Variants in NPHS1 observed in about 807,000 individuals in gnomAD.
NPHS1 encodes NPHS1 adhesion molecule, nephrin.
In NPHS1, 107 loss-of-function variants were observed where a neutral mutation model predicts 139.7. That is an observed-to-expected ratio of 0.77 (90% CI 0.66 to 0.90). NPHS1 has a LOEUF of 0.90. NPHS1 is among the 40% of genes least tolerant of loss of function. The pLI, the probability that NPHS1 is intolerant of heterozygous loss-of-function variation, is 0.00. For synonymous variants in NPHS1, 707 were observed against 706.6 expected, an observed-to-expected ratio of 1.00 and a Z score of -0.01; for missense variants, 1,580 against 1,654.2, an observed-to-expected ratio of 0.96 and a Z score of 0.78.
intron 20 of NPHS1, among the ~76,000 whole-genome samples, chr19:35,841,307 A>C (rs1234605131): frequency 1.3e-5 from 2 of 152,066 alleles, no homozygotes. Flanking sequence ...CAGGAGGCAG[A>C]GGTTGCAGTG....
chr19:35,846,842 G>GTCATT (rs1973150021), intron 11 of NPHS1, among the ~76,000 whole-genome samples: 1 of 152,198 alleles, frequency 6.6e-6, no homozygotes, highest in African/African-American at 2.4e-5. Flanking sequence ...AAATTCCATT[G>GTCATT]TCATTTCTAT....
At chr19:35,850,547 C>T in intron 4 of NPHS1, 102 bp from the exon 5 acceptor site, 2 of 978,696 alleles carry the variant, frequency 2.0e-6, no homozygotes, top group South Asian at 2.6e-5. Context: ...TGCCCCCTCC[C>T]TCCTCGTTCT....
In NPHS1 at chr19:35,825,387, A is replaced by T. The variant is rs1972787526; in HGVS notation, c.*1127T>A. On this transcript the variant is annotated 3_prime_UTR_variant, in exon 29 of 29. Transcript: ENST00000378910. ...TATTATGAAGCCTGTTTTTAAAATC[A>T]CTTTTATTGAGATATCATTTATGTA... Among the ~76,000 whole-genome samples, 1 of 152,226 alleles carries T rather than the reference A, an allele frequency of 6.6e-6. No homozygotes were observed.
chr19:35,845,638 C>A lies in NPHS1; in HGVS notation c.1757+31G>T. On this transcript the variant is annotated intron_variant, in intron 13 of 28. Coordinates refer to ENST00000378910, the MANE Select transcript of NPHS1 (RefSeq NM_004646.4). This position sits in a 1 kb window ranked among gnomAD's most constrained non-coding sequence, Gnocchi z 5.5. The stretch of plus-strand genomic sequence containing the variant: ...ATGCGTGGAGGGGGCGAGGCCAGAC[C>A]AGAGAGGGGAGGGATCCCTCGCACT... 2.5e-6 allele frequency: 4 copies of A among 1,611,378 alleles called. No individual in the cohort carries two copies. The highest frequency in any genetic ancestry group is 3.4e-6 in the Non-Finnish European group (4 of 1,178,738).
rs369522614 is a variant in NPHS1 at position 35,840,242 on chromosome 19, T to G, written c.2816-635A>C. On this transcript the variant is annotated intron_variant, in intron 20 of 28. Transcript: ENST00000378910. ...CTTGTCTCGAACTCCTGACCTCAGG[T>G]GATCCACCCGCCTTGGCCTCCCAAA... is the stretch of plus-strand genomic sequence containing the variant. Among the ~76,000 whole-genome samples, 80 of 151,820 alleles carry G rather than the reference T, an allele frequency of 5.3e-4. 1 individual carries two copies. The East Asian group carries it at 0.013, about 25-fold the overall frequency.
rs1184786940 is a variant in NPHS1 at position 35,835,767 on chromosome 19, G to T, written c.3110-6C>A. Reference sequence around the variant, plus strand: ...TCCAGAAGGCTGGTGGAGACCTGGGGGGTGGATATACAGATTGTGACTTAA... The same window carrying T: ...TCCAGAAGGCTGGTGGAGACCTGGGTGGTGGATATACAGATTGTGACTTAA... On this transcript the variant is annotated splice_polypyrimidine_tract_variant and splice_region_variant and intron_variant, in intron 22 of 28. Transcript: ENST00000378910. 6.2e-7 allele frequency: 1 copy of T among 1,613,142 alleles called. No homozygotes were observed. Among genetic ancestry groups the T allele is most frequent in the Middle Eastern group, 1.7e-4 (1 of 6,054 alleles).
Position 35,849,562 on chromosome 19 carries a change from C to G in NPHS1, c.700G>C (p.Val234Leu). 1 of 1,613,754 alleles carries G rather than the reference C, an allele frequency of 6.2e-7. No individual in the cohort carries two copies. Among genetic ancestry groups the G allele is most frequent in the Non-Finnish European group, 8.5e-7 (1 of 1,179,688 alleles). Residue 234 changes from valine to leucine, a missense_variant, in exon 6 of 29, where the codon GTG becomes CTG. Coordinates refer to ENST00000378910, the MANE Select transcript of NPHS1 (RefSeq NM_004646.4). ...GTTCTCCACTTACACAGAACATTCA[C>G]GGTGAATGAGGCCTTGATGGGGGCC... ...LEAPIKASFT[V>L]NVLFPPGPPV...
In NPHS1 at chr19:35,839,472, C is replaced by G. The variant is rs10426635; in HGVS notation, c.2927+24G>C. On this transcript the variant is annotated intron_variant, in intron 21 of 28. Coordinates refer to ENST00000378910, the MANE Select transcript of NPHS1 (RefSeq NM_004646.4). ...GGAAGTGCCCTAGCCCATTCCCTTCCCTCCTGCCTCGACAAGGACCCACCT... is the reference window on the plus strand; with the variant it reads ...GGAAGTGCCCTAGCCCATTCCCTTCGCTCCTGCCTCGACAAGGACCCACCT... 2.9e-3 allele frequency: 4,608 copies of G among 1,613,132 alleles called. 99 individuals are homozygous for G. The African/African-American group carries it at 0.047, about 16-fold the overall frequency.
At position 35,831,888 on chromosome 19, in the gene NPHS1, G is replaced by C. The variant is rs746599918; in HGVS notation, c.3167-126C>G. 9 of 1,023,070 alleles carry C rather than the reference G, an allele frequency of 8.8e-6. No homozygotes were observed. In the South Asian group the frequency reaches 1.3e-4, roughly 15 times the overall value. 63.4% of individuals were successfully genotyped at this position (1,023,070 alleles called of 1,614,324 possible). A position where few individuals can be genotyped will look rare whatever the true frequency, so the allele number is the denominator to read the frequency against. ...AGGGTCAGAGAAACAGATGGGCAGAGGTCTCTGTGCCCACCCTTTCTGCCC... is the reference window on the plus strand; with the variant it reads ...AGGGTCAGAGAAACAGATGGGCAGACGTCTCTGTGCCCACCCTTTCTGCCC... On this transcript the variant is annotated intron_variant, in intron 23 of 28. Coordinates refer to ENST00000378910, the MANE Select transcript of NPHS1 (RefSeq NM_004646.4).
rs766213917 is a variant in NPHS1 at position 35,844,440 on chromosome 19, C to A, written c.1950G>T (p.Gly650=). 6.3e-7 allele frequency: 1 copy of A among 1,590,054 alleles called. No individual in the cohort carries two copies. Among genetic ancestry groups the A allele is most frequent in the African/African-American group, 1.3e-5 (1 of 74,506 alleles). ...CCGCGGTCACCACCAGCACCTGCTCCCCCAGGAACTCTGGACGGTCTTCAG... is the reference window on the plus strand; with the variant it reads ...CCGCGGTCACCACCAGCACCTGCTCACCCAGGAACTCTGGACGGTCTTCAG... The part of the protein sequence containing the change: ...LNVLYRPEFL[G]EQVLVVTAVE... Residue 650 remains glycine (G), a synonymous_variant, in exon 15 of 29, where the codon GGG becomes GGT. Transcript: ENST00000378910.
chr19:35,830,788 G>A, intron 28 of NPHS1, 56 bp downstream of exon 28: 5 of 1,068,544 alleles, frequency 4.7e-6, no homozygotes, highest in Non-Finnish European at 7.3e-6. Context: ...CAAGCAATAG[G>A]AGGTAGGCTC....
Position 35,848,708 on chromosome 19 carries a change from G to A in NPHS1, c.1099C>T (p.Arg367Cys), listed in dbSNP as rs386833865. 2.8e-5 allele frequency: 46 copies of A among 1,614,040 alleles called. No homozygotes were observed. The highest frequency in any genetic ancestry group is 1.5e-4 in the South Asian group (14 of 91,080). ...CACCATCGTAGCAGAACCCGCGGGC[G>A]ACTGGACTTGCTGACACAGGAGAGT... ...VTLSCVSKSSRPRVLLRWWLG... is the reference protein window; with the variant it reads ...VTLSCVSKSSCPRVLLRWWLG... Residue 367 changes from arginine (R) to cysteine (C), a missense_variant, in exon 9 of 29, where the codon CGC (arginine) becomes TGC (cysteine). Arg to Cys is a radical substitution (Grantham distance 180, BLOSUM62 -3). Coordinates refer to ENST00000378910, the MANE Select transcript of NPHS1 (RefSeq NM_004646.4).
At chr19:35,849,406 C>T (rs1427212776) in intron 6 of NPHS1, 43 bp from the exon 7 acceptor site, 8 of 1,603,416 alleles carry the variant, frequency 5.0e-6, no homozygotes, top group Admixed American at 1.7e-5. Flanking sequence ...GTAGCCCATC[C>T]ACTCTTTCCA....
rs746166572 is a variant in NPHS1, at chr19:35,849,653, C to A, written c.609G>T (p.Arg203Ser). ...TATTATCTGAGCTCCGGGGTGTCAC[C>A]CTGGGATGAGAAGTCAGGGTTATAG... ...QKLFTVEATARVTPRSSDNRQ... is the reference protein window; with the variant it reads ...QKLFTVEATASVTPRSSDNRQ... Residue 203 changes from arginine (R) to serine (S), a missense_variant and splice_region_variant, in exon 6 of 29, where the codon AGG becomes AGT. Arg to Ser is a moderately radical substitution (Grantham distance 110). Coordinates refer to ENST00000378910, the MANE Select transcript of NPHS1 (RefSeq NM_004646.4). 1.9e-6 allele frequency: 3 copies of A among 1,611,946 alleles called. No homozygotes were observed. The African/African-American group carries it at 4.0e-5, about 22-fold the overall frequency.
At chr19:35,844,069 G>T in intron 16 of NPHS1, 34 bp downstream of exon 16, 1 of 1,602,722 alleles carries the variant, frequency 6.2e-7, no homozygotes, top group Non-Finnish European at 8.5e-7. Flanking sequence ...AGGTTCCTTG[G>T]GTGGGTGTGG....
chr19:35,832,051 C>T (rs1972893122), intron 23 of NPHS1, among the ~76,000 whole-genome samples: 1 of 152,212 alleles, frequency 6.6e-6, no homozygotes, highest in Non-Finnish European at 1.5e-5. Flanking sequence ...TGAAGACTTT[C>T]TGTGGTCCAG....
intron 17 of NPHS1, 129 bp downstream of exon 17, chr19:35,843,343 G>T: frequency 8.5e-7 from 1 of 1,172,976 alleles, no homozygotes. Context: ...CATTCTGGGA[G>T]CATGCCCTGG....
Position 35,839,497 on chromosome 19 carries a change from T to A in NPHS1, c.2926A>T (p.Arg976Trp), listed in dbSNP as rs780461612. ...DGGLPQRFCI[R>W]YEALGTPGFH... ...CCTCCTGCCTCGACAAGGACCCACCTGATGCAGAACCTCTGTGGCAGGCCC... is the reference window on the plus strand; with the variant it reads ...CCTCCTGCCTCGACAAGGACCCACCAGATGCAGAACCTCTGTGGCAGGCCC... Residue 976 changes from arginine (R) to tryptophan (W), a missense_variant and splice_region_variant, in exon 21 of 29, where the codon AGG (arginine) becomes TGG (tryptophan). Coordinates refer to ENST00000378910, the MANE Select transcript of NPHS1 (RefSeq NM_004646.4). 6.2e-7 allele frequency: 1 copy of A among 1,614,052 alleles called. No homozygotes were observed. Among genetic ancestry groups the A allele is most frequent in the Admixed American group, 1.7e-5 (1 of 60,022 alleles).
intron 3 of NPHS1, 58 bp downstream of exon 3, chr19:35,851,204 G>C: frequency 2.5e-6 from 4 of 1,613,368 alleles, no homozygotes; most frequent in Admixed American, 1.7e-5. Flanking sequence ...TCCGGGTTGC[G>C]GGGTAGGGGA....
Sources: gnomAD v4.1 joint callset for allele counts (sites outside exome capture counted in the v4.1 genomes callset) on GRCh38, gnomAD v4.1.1 for gene constraint, Gnocchi (gnomAD v3.1) non-coding constraint, MANE v1.5 for transcripts, NCBI Gene and HGNC (gene_info 2026-07-23, HGNC 2026-07-21) for gene names.